Variants in SLC44A5 observed in about 807,000 individuals in gnomAD.
The protein encoded by SLC44A5 is choline transporter-like protein 5.
Under a neutral mutation model 101.8 loss-of-function variants are expected in SLC44A5, and 57 were observed. The observed-to-expected ratio is 0.56, with a 90% CI of 0.45 to 0.70. The LOEUF is 0.70. Ranked by LOEUF, SLC44A5 falls within the 30% of genes least tolerant of loss-of-function variation. The pLI is 0.00. For missense variants in SLC44A5, 737 were observed against 853.1 expected, an observed-to-expected ratio of 0.86 and a Z score of 1.70; for synonymous variants, 281 against 290.9, an observed-to-expected ratio of 0.97 and a Z score of 0.35.
intron 1 of SLC44A5, among the ~76,000 whole-genome samples, chr1:75,596,202 G>GCACACACA (rs76901767): frequency 4.3e-5 from 6 of 140,962 alleles, no homozygotes; most frequent in African/African-American, 1.6e-4. Flanking sequence ...GTAGACACAT[G>GCACACACA]CACACACACA....
chr1:75,272,577 A>G (rs1651576538), intron 6 of SLC44A5, among the ~76,000 whole-genome samples: 2 of 151,946 alleles, frequency 1.3e-5, no homozygotes, highest in East Asian at 1.9e-4. Flanking sequence ...TAAGTGAGAG[A>G]TGAGGATCCA....
chr1:75,484,710 CA>C (rs986894940), intron 2 of SLC44A5, among the ~76,000 whole-genome samples: 1 of 152,370 alleles, frequency 6.6e-6, no homozygotes, highest in Admixed American at 6.5e-5. Flanking sequence ...ACAAGGGTTC[CA>C]CCCCAGCAGC....
intron 2 of SLC44A5, among the ~76,000 whole-genome samples, chr1:75,443,458 GAAC>G (rs1665324978): frequency 6.6e-6 from 1 of 151,836 alleles, no homozygotes; most frequent in South Asian, 2.1e-4. Flanking sequence ...ATAAAAACAT[GAAC>G]AACTTTATGC....
At chr1:75,527,141 A>C (rs1274469161) in intron 2 of SLC44A5, among the ~76,000 whole-genome samples, 1 of 149,528 alleles carries the variant, frequency 6.7e-6, no homozygotes, top group African/African-American at 2.5e-5. Context: ...TCGCAAAAAA[A>C]AAGAAAAAAA....
At chr1:75,659,699 C>T in the SLC44A5 span, among the ~76,000 whole-genome samples, 420 of 150,388 alleles carry the variant, frequency 2.8e-3, no homozygotes, top group Non-Finnish European at 4.1e-3. Context: ...ACTCAGAAGC[C>T]GAGGTAGGAG....
chr1:75,214,051 T>G, intron 20 of SLC44A5, 62 bp from the exon 21 acceptor site: 1 of 1,046,120 alleles, frequency 9.6e-7, no homozygotes, highest in Non-Finnish European at 1.4e-6. Context: ...TACTTGAAAT[T>G]TATGGCAGTA....
chr1:75,459,429 C>T (rs1666372747), intron 2 of SLC44A5, among the ~76,000 whole-genome samples: 1 of 152,140 alleles, frequency 6.6e-6, no homozygotes, highest in African/African-American at 2.4e-5. Context: ...ACATATAAAG[C>T]ACTTTCATCC....
At chr1:75,603,425 A>G (rs1675111767) in intron 1 of SLC44A5, among the ~76,000 whole-genome samples, 1 of 151,302 alleles carries the variant, frequency 6.6e-6, no homozygotes, top group African/African-American at 2.4e-5. Context: ...GCTATTGTGA[A>G]TAGTGCTGCA....
chr1:75,651,734 C>G, the SLC44A5 span, among the ~76,000 whole-genome samples: 1 of 149,472 alleles, frequency 6.7e-6, no homozygotes, highest in African/African-American at 2.5e-5. Context: ...ATACTCAACT[C>G]TTCTTGGCCA....
intron 4 of SLC44A5, among the ~76,000 whole-genome samples, chr1:75,315,237 T>C (rs994715380): frequency 1.3e-5 from 2 of 152,192 alleles, no homozygotes; most frequent in African/African-American, 4.8e-5. Flanking sequence ...GATTGGATTA[T>C]AAATTATTAC....
chr1:75,375,108 C>T (rs116430383), intron 3 of SLC44A5, among the ~76,000 whole-genome samples: 20 of 152,220 alleles, frequency 1.3e-4, no homozygotes, highest in African/African-American at 4.8e-4. Flanking sequence ...TCCAAGAAAA[C>T]TCAAAAAATG....
intron 13 of SLC44A5, among the ~76,000 whole-genome samples, chr1:75,225,956 A>G (rs1307374172): frequency 6.6e-6 from 1 of 152,168 alleles, no homozygotes; most frequent in Non-Finnish European, 1.5e-5. Flanking sequence ...TCCAAGAGTA[A>G]AACTAGAAGT....
At chr1:75,209,477 T>C (rs1646811639) in intron 23 of SLC44A5, among the ~76,000 whole-genome samples, 1 of 152,192 alleles carries the variant, frequency 6.6e-6, no homozygotes, top group African/African-American at 2.4e-5. Flanking sequence ...TTCCATCCCA[T>C]ACCTGAACTG....
the SLC44A5 span, among the ~76,000 whole-genome samples, chr1:75,624,002 A>T: frequency 2.8e-4 from 43 of 152,264 alleles, no homozygotes; most frequent in African/African-American, 1.0e-3. Context: ...TCCTTGGAAA[A>T]ATGACTCCAG....
intron 1 of SLC44A5, among the ~76,000 whole-genome samples, chr1:75,560,523 A>G (rs1672462563): frequency 1.3e-5 from 2 of 152,218 alleles, no homozygotes; most frequent in Admixed American, 1.3e-4. Context: ...ATAGTTGCAC[A>G]ACTCTGTGAA....
intron 2 of SLC44A5, among the ~76,000 whole-genome samples, chr1:75,467,641 G>A (rs972325486): frequency 5.9e-5 from 9 of 152,128 alleles, no homozygotes; most frequent in African/African-American, 1.7e-4. Flanking sequence ...GCAGAAGAAC[G>A]AAAGTAGATG....
chr1:75,232,979 C>T (rs1379302742), intron 12 of SLC44A5, among the ~76,000 whole-genome samples: 2 of 152,184 alleles, frequency 1.3e-5, no homozygotes, highest in Non-Finnish European at 2.9e-5. Context: ...AAACTGTTGT[C>T]AGTCCAAATG....
At chr1:75,276,494 C>G (rs1651931453) in intron 5 of SLC44A5, among the ~76,000 whole-genome samples, 1 of 152,020 alleles carries the variant, frequency 6.6e-6, no homozygotes, top group Non-Finnish European at 1.5e-5. Flanking sequence ...GCACCCGAAG[C>G]ATTTAGATTG....
chr1:75,437,191 T>C (rs2101614896), intron 2 of SLC44A5, among the ~76,000 whole-genome samples: 1 of 152,294 alleles, frequency 6.6e-6, no homozygotes, highest in East Asian at 1.9e-4. Context: ...CAGTCATTTA[T>C]TACCATTATC....
Sources: gnomAD v4.1 joint callset for allele counts (sites outside exome capture counted in the v4.1 genomes callset) on GRCh38, gnomAD v4.1.1 for gene constraint, MANE v1.5 for transcripts, NCBI Gene and HGNC (gene_info 2026-07-23, HGNC 2026-07-21) for gene names.